The following JAKMIP3 variants were observed in gnomAD, a reference collection of about 807,000 sequenced individuals.
The protein encoded by JAKMIP3 is Janus kinase and microtubule interacting protein 3.
In JAKMIP3, 58 loss-of-function variants were observed where a neutral mutation model predicts 118.5. That is an observed-to-expected ratio of 0.49 (90% confidence interval 0.40 to 0.61). The LOEUF is 0.61. Among genes scored for constraint, JAKMIP3 ranks in the 20% least tolerant of loss-of-function variants. The probability of loss-of-function intolerance (pLI) is 0.00; values close to 1 mark genes in which losing one functional copy is unlikely to be tolerated. For synonymous variants in JAKMIP3, 486 were observed against 451.2 expected (o/e 1.08, Z -0.98); for missense variants, 950 against 1,109.0 (o/e 0.86, Z 2.04).
chr10:132,174,695 A>G (rs976023124), intron 23 of JAKMIP3, among the ~76,000 whole-genome samples: 2 of 152,234 alleles, frequency 1.3e-5, no homozygotes, highest in Non-Finnish European at 2.9e-5. Context: ...ACTGTTGTCC[A>G]GAGTGACTGT....
intron 19 of JAKMIP3, among the ~76,000 whole-genome samples, chr10:132,162,576 A>G (rs548619337): frequency 3.9e-5 from 6 of 152,196 alleles, no homozygotes; most frequent in Non-Finnish European, 7.3e-5. Context: ...GCCCAAAAGC[A>G]TTTGTTTCCA....
intron 1 of JAKMIP3, among the ~76,000 whole-genome samples, chr10:132,069,046 A>G (rs564753810): frequency 4.7e-4 from 72 of 152,246 alleles, no homozygotes; most frequent in African/African-American, 1.7e-3. Context: ...GAGCGCCTTT[A>G]GCTGGACTGG....
At chr10:132,142,129 C>G in intron 11 of JAKMIP3, 81 bp downstream of exon 11, 2 of 1,434,736 alleles carry the variant, frequency 1.4e-6, no homozygotes, top group Non-Finnish European at 1.9e-6. Flanking sequence ...GGACACCCCC[C>G]TCACTAGCCC....
intron 1 of JAKMIP3, among the ~76,000 whole-genome samples, chr10:132,070,717 A>T (rs1054015842): frequency 1.3e-5 from 2 of 152,028 alleles, no homozygotes; most frequent in Non-Finnish European, 2.9e-5. Flanking sequence ...AGTCTTTATG[A>T]CTTTTAAAAG....
intron 2 of JAKMIP3, among the ~76,000 whole-genome samples, chr10:132,113,940 G>T (rs931422897): frequency 5.3e-5 from 8 of 152,220 alleles, no homozygotes; most frequent in African/African-American, 1.9e-4. Flanking sequence ...CGCCTCTCCC[G>T]GGAGGATGCC....
intron 1 of JAKMIP3, among the ~76,000 whole-genome samples, chr10:132,050,003 C>T (rs117283915): frequency 3.7e-4 from 57 of 152,250 alleles, no homozygotes; most frequent in Admixed American, 1.5e-3. Flanking sequence ...TGAATATTCC[C>T]AAGTTCATGG....
chr10:132,037,290 G>C (rs1159688206), intron 1 of JAKMIP3, among the ~76,000 whole-genome samples: 1 of 152,130 alleles, frequency 6.6e-6, no homozygotes, highest in African/African-American at 2.4e-5. Flanking sequence ...GTGGAAAGCC[G>C]CTGGGAGTTG....
At chr10:132,092,267 G>T (rs1169311059) in intron 1 of JAKMIP3, among the ~76,000 whole-genome samples, 5 of 152,122 alleles carry the variant, frequency 3.3e-5, no homozygotes, top group African/African-American at 4.8e-5. Flanking sequence ...TTCTTGAGGA[G>T]TATCTTTGTG....
intron 1 of JAKMIP3, among the ~76,000 whole-genome samples, chr10:132,093,461 CT>C (rs1299328923): frequency 4.6e-5 from 7 of 152,240 alleles, no homozygotes; most frequent in Admixed American, 1.3e-4. Context: ...ACCAGCCTCG[CT>C]GCCACCTTGC....
intron 1 of JAKMIP3, among the ~76,000 whole-genome samples, chr10:132,070,452 C>T (rs1049703470): frequency 2.0e-5 from 3 of 152,166 alleles, no homozygotes; most frequent in Non-Finnish European, 4.4e-5. Flanking sequence ...CCGACCTGTC[C>T]TCTGTCCTCC....
chr10:132,176,603 A>C (rs1055126398), intron 23 of JAKMIP3, among the ~76,000 whole-genome samples: 1 of 152,130 alleles, frequency 6.6e-6, no homozygotes, highest in Admixed American at 6.5e-5. Context: ...ACTAACCGCT[A>C]TACGATCACG....
intron 19 of JAKMIP3, among the ~76,000 whole-genome samples, chr10:132,154,296 C>T (rs1340428073): frequency 6.6e-6 from 1 of 152,220 alleles, no homozygotes; most frequent in African/African-American, 2.4e-5. Flanking sequence ...TTCCTGAAGG[C>T]CATCCAGGTG....
intron 1 of JAKMIP3, among the ~76,000 whole-genome samples, chr10:132,097,910 T>TCCTTCCTTCCTTTTCTTTTCTCCCCTC (rs2044156469): frequency 1.7e-5 from 1 of 59,264 alleles, no homozygotes; most frequent in Non-Finnish European, 3.6e-5. Flanking sequence ...CCCTTCCCCT[T>TCCTTCCTTCCTTTTCTTTTCTCCCCTC]CCCCTTCCCC....
intron 21 of JAKMIP3, among the ~76,000 whole-genome samples, chr10:132,165,106 C>A (rs192144013): frequency 1.3e-5 from 2 of 152,218 alleles, no homozygotes; most frequent in Non-Finnish European, 2.9e-5. Context: ...GCCTTTGATC[C>A]GTGCAGGTTC....
intron 23 of JAKMIP3, among the ~76,000 whole-genome samples, chr10:132,174,451 C>CCGTGGGTTT (rs374714215): frequency 6.6e-6 from 1 of 151,996 alleles, no homozygotes; most frequent in Non-Finnish European, 1.5e-5. Flanking sequence ...TCTGTGGGCT[C>CCGTGGGTTT]CGTGGGTTTT....
intron 1 of JAKMIP3, among the ~76,000 whole-genome samples, chr10:132,050,147 G>A (rs1265707783): frequency 6.6e-6 from 1 of 152,140 alleles, no homozygotes; most frequent in Admixed American, 6.5e-5. Flanking sequence ...GTGTTTGGAG[G>A]ACTGATGTTT....
intron 3 of JAKMIP3, among the ~76,000 whole-genome samples, chr10:132,123,284 G>A (rs576863224): frequency 4.6e-5 from 7 of 152,310 alleles, no homozygotes; most frequent in South Asian, 2.1e-4. Flanking sequence ...TGAGAGAGCC[G>A]TCTGGGTGCA....
rs2135764700 is a variant in JAKMIP3 at position 132,136,080 on chromosome 10, A to G, written c.1116+4A>G. 2 of 1,593,914 alleles carry G rather than the reference A, an allele frequency of 1.3e-6. No individual in the cohort carries two copies. The highest frequency in any genetic ancestry group is 2.2e-5 in the South Asian group (2 of 90,598). On this transcript the variant is annotated splice_donor_region_variant and intron_variant, in intron 6 of 23. Coordinates refer to ENST00000684848, the MANE Select transcript of JAKMIP3 (RefSeq NM_001323087.2). The stretch of plus-strand genomic sequence containing the variant: ...CACCCAGGAGAACATAGAAATGGTG[A>G]GGGGGTGGGGGGCTCCACGGGGCCA...
rs2048034306 is a variant in JAKMIP3, at chr10:132,118,307, C to T, written c.633+733C>T. Among the ~76,000 whole-genome samples, 1 of 152,202 alleles carries T rather than the reference C, an allele frequency of 6.6e-6. No individual in the cohort carries two copies. Among genetic ancestry groups the T allele is most frequent in the African/African-American group, 2.4e-5 (1 of 41,440 alleles). On this transcript the variant is annotated intron_variant, in intron 3 of 23. Coordinates refer to ENST00000684848, the MANE Select transcript of JAKMIP3 (RefSeq NM_001323087.2). This position sits in a 1 kb window ranked among gnomAD's most constrained non-coding sequence, Gnocchi z 4.8. ...CCAGGGTTCAGCTGACGAGAATGTC[C>T]AGGGATTGCAAGGGACTGATTCCAC...
Sources: gnomAD v4.1 joint callset for allele counts (sites outside exome capture counted in the v4.1 genomes callset) on GRCh38, gnomAD v4.1.1 for gene constraint, Gnocchi (gnomAD v3.1) non-coding constraint, MANE v1.5 for transcripts, NCBI Gene and HGNC (gene_info 2026-07-23, HGNC 2026-07-21) for gene names.